The following EIF3H variants were observed in gnomAD, a reference collection of about 807,000 sequenced individuals.
EIF3H encodes the protein eukaryotic translation initiation factor 3 subunit H.
In EIF3H, 26 loss-of-function variants were observed where a neutral mutation model predicts 44.2. The ratio of observed to expected loss-of-function variants is 0.59; its 90% confidence interval spans 0.43 to 0.82. The LOEUF (loss-of-function observed/expected upper bound fraction) is 0.82, where lower values mean the gene tolerates loss of function less well. EIF3H is among the 40% of genes least tolerant of loss of function. EIF3H has a pLI of 0.00. For missense variants in EIF3H, 359 were observed against 432.8 expected (o/e 0.83, Z 1.51); for synonymous variants, 166 against 151.9 (o/e 1.09, Z -0.68).
intron 2 of EIF3H, among the ~76,000 whole-genome samples, chr8:116,703,351 G>C (rs1197718966): frequency 9.4e-6 from 1 of 106,314 alleles, no homozygotes; most frequent in East Asian, 2.0e-4. Flanking sequence ...AGCAGACCGG[G>C]AAAGGGAGTC....
intron 2 of EIF3H, among the ~76,000 whole-genome samples, chr8:116,715,851 T>A (rs1814651877): frequency 6.6e-6 from 1 of 152,058 alleles, no homozygotes; most frequent in Non-Finnish European, 1.5e-5. Context: ...CTAAGCTTGA[T>A]AACAGTGCCC....
intron 2 of EIF3H, among the ~76,000 whole-genome samples, chr8:116,717,198 T>A (rs747066287): frequency 4.6e-5 from 7 of 151,838 alleles, no homozygotes; most frequent in Admixed American, 4.6e-4. Flanking sequence ...AGCAAGGAGG[T>A]GAAAAACCTC....
intron 2 of EIF3H, among the ~76,000 whole-genome samples, chr8:116,695,235 T>C (rs1156765275): frequency 6.6e-6 from 1 of 151,946 alleles, no homozygotes; most frequent in African/African-American, 2.4e-5. Context: ...GCCCGGCTAA[T>C]TTTTGTATTT....
intron 1 of EIF3H, among the ~76,000 whole-genome samples, chr8:116,752,727 AGAAAGAAG>A (rs1469563295): frequency 8.4e-6 from 1 of 118,752 alleles, no homozygotes; most frequent in Non-Finnish European, 1.8e-5. Context: ...AAAGAAAGAA[AGAAAGAAG>A]AGAAAGAAAG....
chr8:116,661,829 T>A (rs1813590809), intron 2 of EIF3H, among the ~76,000 whole-genome samples: 1 of 152,082 alleles, frequency 6.6e-6, no homozygotes, highest in South Asian at 2.1e-4. Flanking sequence ...CTACAGCACC[T>A]CTGATAAGGG....
chr8:116,690,723 G>GT (rs1394903480), intron 2 of EIF3H, among the ~76,000 whole-genome samples: 1 of 152,008 alleles, frequency 6.6e-6, no homozygotes, highest in Non-Finnish European at 1.5e-5. Context: ...TAATTATAAT[G>GT]TATTTTTCTT....
chr8:116,691,970 G>A (rs1255470858), intron 2 of EIF3H, among the ~76,000 whole-genome samples: 1 of 151,946 alleles, frequency 6.6e-6, no homozygotes, highest in Non-Finnish European at 1.5e-5. Flanking sequence ...TATTCCTCCT[G>A]GAACAGAAGT....
intron 1 of EIF3H, among the ~76,000 whole-genome samples, chr8:116,730,819 T>C (rs1319664969): frequency 6.6e-6 from 1 of 152,188 alleles, no homozygotes; most frequent in African/African-American, 2.4e-5. Flanking sequence ...CAAACACTTA[T>C]CACTTATGAT....
At position 116,643,782 on chromosome 8, in the gene EIF3H, C is replaced by T. The variant is rs1813257924; in HGVS notation, c.*1224G>A. Reference sequence around the variant, plus strand: ...ATTTCTCGACTCTCCTGATCTTTCACCCATCTCCTTTTTTGATAACCCTCC... The same window carrying T: ...ATTTCTCGACTCTCCTGATCTTTCATCCATCTCCTTTTTTGATAACCCTCC... On this transcript the variant is annotated 3_prime_UTR_variant, in exon 8 of 8. Coordinates refer to ENST00000521861, the MANE Select transcript of EIF3H (RefSeq NM_003756.3). The T allele has an allele frequency of 6.6e-6, 1 of 152,160 alleles. No homozygotes were observed. Among genetic ancestry groups the T allele is most frequent in the South Asian group, 2.1e-4 (1 of 4,830 alleles). The allele number at this position is 152,160 out of a possible 1,614,324, so 9.4% of individuals were successfully genotyped here.
chr8:116,710,898 T>C (rs1814563445), intron 2 of EIF3H, among the ~76,000 whole-genome samples: 1 of 152,190 alleles, frequency 6.6e-6, no homozygotes, highest in African/African-American at 2.4e-5. Context: ...GACTCAAGAC[T>C]CCAATTAGCA....
upstream of EIF3H, chr8:116,755,824 A>G (rs1815435647): frequency 1.9e-6 from 3 of 1,610,632 alleles, no homozygotes; most frequent in Non-Finnish European, 2.5e-6. Flanking sequence ...GAAGAAAGAG[A>G]AACGTGAGTT....
chr8:116,759,787 T>A (rs1815500163), upstream of EIF3H, among the ~76,000 whole-genome samples: 2 of 152,066 alleles, frequency 1.3e-5, no homozygotes. Context: ...TGGAGTGTAA[T>A]GGCACGATCT....
rs988148990 is a variant in EIF3H, at chr8:116,754,066, A to G, written c.132+1600T>C. Among the ~76,000 whole-genome samples, 4 of 151,992 alleles carry G rather than the reference A, an allele frequency of 2.6e-5. No individual in the cohort carries two copies. The South Asian group carries it at 6.2e-4, about 24-fold the overall frequency. On this transcript the variant is annotated intron_variant, in intron 1 of 7. Transcript: ENST00000521861. ...ATTCCTGAACACACATCTGCCTCCC[A>G]TGAGCCAGGGAAAGCCACAGTGCCA...
intron 1 of EIF3H, among the ~76,000 whole-genome samples, chr8:116,738,119 ATG>A (rs1282478436): frequency 6.6e-6 from 1 of 152,006 alleles, no homozygotes; most frequent in African/African-American, 2.4e-5. Context: ...AGAATGGAGC[ATG>A]TGTTTGTTTT....
At chr8:116,761,131 C>G (rs1453490034) in intron 1 of EIF3H, among the ~76,000 whole-genome samples, 2 of 152,214 alleles carry the variant, frequency 1.3e-5, no homozygotes, top group Non-Finnish European at 2.9e-5. Context: ...ACTTTTTGCT[C>G]TGCTCTACCA....
At position 116,716,719 on chromosome 8, in the gene EIF3H, C is replaced by T. The variant is rs186828449; in HGVS notation, c.289+9297G>A. Among the ~76,000 whole-genome samples, 53 of 152,104 alleles carry T rather than the reference C, an allele frequency of 3.5e-4. No homozygotes were observed. In the East Asian group the frequency reaches 3.9e-3, roughly 11 times the overall value. ...CAACTACTCAACTGTGCCACTGTAG[C>T]GGGAATGAAGCCATTAAAAAATATG... On this transcript the variant is annotated intron_variant, in intron 2 of 7. Coordinates refer to ENST00000521861, the MANE Select transcript of EIF3H (RefSeq NM_003756.3).
At chr8:116,732,378 T>C (rs1451518898) in intron 1 of EIF3H, among the ~76,000 whole-genome samples, 1 of 152,164 alleles carries the variant, frequency 6.6e-6, no homozygotes, top group African/African-American at 2.4e-5. Context: ...ATCTAAAATT[T>C]AGAAGAGTTA....
chr8:116,713,473 A>C (rs1814607831), intron 2 of EIF3H, among the ~76,000 whole-genome samples: 1 of 152,198 alleles, frequency 6.6e-6, no homozygotes, highest in Non-Finnish European at 1.5e-5. Context: ...AAATTGTAAA[A>C]CATGAAGTAA....
intron 2 of EIF3H, among the ~76,000 whole-genome samples, chr8:116,675,488 C>T (rs1813834443): frequency 6.6e-6 from 1 of 152,212 alleles, no homozygotes; most frequent in East Asian, 1.9e-4. Context: ...AATGAGCGCA[C>T]ACACACCTCT....
Sources: allele counts gnomAD v4.1 joint callset (sites outside exome capture counted in the v4.1 genomes callset), GRCh38; gene constraint gnomAD v4.1.1; transcripts MANE v1.5; gene names NCBI Gene and HGNC (gene_info 2026-07-23, HGNC 2026-07-21).